Variants in KLK11 observed in about 807,000 individuals in gnomAD.
The protein encoded by KLK11 is kallikrein related peptidase 11, also known as kallikrein-11.
A neutral mutation model predicts 23.4 loss-of-function variants in KLK11; 10 were observed. The observed-to-expected ratio is 0.43, with a 90% CI of 0.26 to 0.73. The LOEUF (loss-of-function observed/expected upper bound fraction) is 0.73, where lower values mean the gene tolerates loss of function less well. Among genes scored for constraint, KLK11 ranks in the 30% least tolerant of loss-of-function variants. KLK11 has a pLI of 0.22. For synonymous variants in KLK11, 131 were observed against 131.7 expected (o/e 0.99, Z 0.03); for missense variants, 285 against 327.8 (o/e 0.87, Z 1.01).
In KLK11 at chr19:51,025,135, A is replaced by G. The variant is rs2122550387; in HGVS notation, c.41-341T>C. ...TAAACAATTAGCCTGGCTTGGTGGCAGGTGCCTGTGGTCCCAGCTACCGGG... is the reference window on the plus strand; with the variant it reads ...TAAACAATTAGCCTGGCTTGGTGGCGGGTGCCTGTGGTCCCAGCTACCGGG... On this transcript the variant is annotated intron_variant, in intron 2 of 5. Transcript: ENST00000453757. The surrounding 1 kb of genome is among the most constrained non-coding windows in gnomAD (Gnocchi z 6.2). 6.6e-6 allele frequency among the ~76,000 whole-genome samples: 1 copy of G among 152,172 alleles called. No individual in the cohort carries two copies. Among genetic ancestry groups the G allele is most frequent in the South Asian group, 2.1e-4 (1 of 4,808 alleles).
At position 51,024,245 on chromosome 19, in the gene KLK11, G is replaced by C; in HGVS notation, c.263C>G (p.Thr88Arg). The C allele has an allele frequency of 6.2e-7, 1 of 1,614,078 alleles. No homozygotes were observed. The highest frequency in any genetic ancestry group is 1.1e-5 in the South Asian group (1 of 91,074). ...QKEEGCEQTRTATESFPHPGF... is the reference protein window; with the variant it reads ...QKEEGCEQTRRATESFPHPGF... ...GGGGTGGGGGAAGGACTCAGTGGCT[G>C]TCCGGGTCTGCTCACAGCCCTCCTC... Residue 88 changes from threonine (T) to arginine (R), a missense_variant, in exon 4 of 6, where the codon ACA (threonine) becomes AGA (arginine). Thr to Arg is a moderately conservative substitution (Grantham distance 71). Transcript: ENST00000453757. The surrounding 1 kb of genome is among the most constrained non-coding windows in gnomAD (Gnocchi z 6.2).
In KLK11 at chr19:51,025,808, T is replaced by C; in HGVS notation, c.-35-142A>G. 2.0e-6 allele frequency: 1 copy of C among 510,950 alleles called. No homozygotes were observed. The highest frequency in any genetic ancestry group is 3.5e-6 in the Non-Finnish European group (1 of 284,612). 31.7% of individuals were successfully genotyped at this position (510,950 alleles called of 1,614,324 possible). Reference sequence around the variant, plus strand: ...CAAGGTTGGGGAAATCCCCTGTTTCTCACAGCACTCAGATCTCCAAACACT... The same window carrying C: ...CAAGGTTGGGGAAATCCCCTGTTTCCCACAGCACTCAGATCTCCAAACACT... On this transcript the variant is annotated intron_variant, in intron 1 of 5. Transcript: ENST00000453757. The surrounding 1 kb of genome is among the most constrained non-coding windows in gnomAD (Gnocchi z 6.2).
At chr19:51,023,259 T>C (rs1228445632) in intron 4 of KLK11, 31 bp from the exon 5 acceptor site, 1 of 1,604,836 alleles carries the variant, frequency 6.2e-7, no homozygotes, top group East Asian at 2.2e-5. Flanking sequence ...GCTGTGGGAA[T>C]GAGCCCCCTG....
In KLK11 at chr19:51,024,580, C is replaced by A. The variant is rs541521686; in HGVS notation, c.197+58G>T. On this transcript the variant is annotated intron_variant, in intron 3 of 5. Transcript: ENST00000453757. This position sits in a 1 kb window ranked among gnomAD's most constrained non-coding sequence, Gnocchi z 6.2. ...GCACCCCTATCCCTGAGCTTCTCTC[C>A]ATCCATCTCCCCATTCCCAGCCCCC... is the stretch of plus-strand genomic sequence containing the variant. The A allele has an allele frequency of 7.0e-7, 1 of 1,438,762 alleles. No individual in the cohort carries two copies. The highest frequency in any genetic ancestry group is 9.2e-7 in the Non-Finnish European group (1 of 1,089,290). 89.1% of individuals were successfully genotyped at this position (1,438,762 alleles called of 1,614,324 possible).
chr19:51,024,558 C>T lies in KLK11; in HGVS notation c.197+80G>A, dbSNP rs2091451949. ...CCCATCTCTAATCCCCTTACCAGCACCCCTATCCCTGAGCTTCTCTCCATC... is the reference window on the plus strand; with the variant it reads ...CCCATCTCTAATCCCCTTACCAGCATCCCTATCCCTGAGCTTCTCTCCATC... On this transcript the variant is annotated intron_variant, in intron 3 of 5. Coordinates refer to ENST00000453757, the MANE Select transcript of KLK11 (RefSeq NM_001136032.3). This position sits in a 1 kb window ranked among gnomAD's most constrained non-coding sequence, Gnocchi z 6.2. The T allele has an allele frequency of 1.4e-6, 2 of 1,394,686 alleles. No individual in the cohort carries two copies. Among genetic ancestry groups the T allele is most frequent in the East Asian group, 2.5e-5 (1 of 39,596 alleles). The allele number at this position is 1,394,686 out of a possible 1,614,324, so 86.4% of individuals were successfully genotyped here. A position where few individuals can be genotyped will look rare whatever the true frequency, so the allele number is the denominator to read the frequency against.
chr19:51,027,689 C>T (rs1568574902), upstream of KLK11: 3 of 642,806 alleles, frequency 4.7e-6, no homozygotes, highest in Non-Finnish European at 8.2e-6. Flanking sequence ...GCTTCCTCTT[C>T]CTACTACTAT....
At position 51,023,183 on chromosome 19, in the gene KLK11, T is replaced by C. The variant is rs2091428213; in HGVS notation, c.509A>G (p.Glu170Gly). 6.2e-7 allele frequency: 1 copy of C among 1,613,776 alleles called. No individual in the cohort carries two copies. The highest frequency in any genetic ancestry group is 8.5e-7 in the Non-Finnish European group (1 of 1,179,928). Reference sequence around the variant, plus strand: ...GTAGGCGTTCTCACACTTCTGGTGCTCAATGATGGTGATGTTGGCGCATCG... The same window carrying C: ...GTAGGCGTTCTCACACTTCTGGTGCCCAATGATGGTGATGTTGGCGCATCG... ...TLRCANITII[E>G]HQKCENAYPG... Residue 170 changes from glutamate to glycine, a missense_variant, in exon 5 of 6, where the codon GAG (glutamate) becomes GGG (glycine). Coordinates refer to ENST00000453757, the MANE Select transcript of KLK11 (RefSeq NM_001136032.3).
chr19:51,025,192 C>T lies in KLK11; in HGVS notation c.41-398G>A, dbSNP rs1231850310. 6.6e-6 allele frequency among the ~76,000 whole-genome samples: 1 copy of T among 151,960 alleles called. No individual in the cohort carries two copies. The highest frequency in any genetic ancestry group is 1.5e-5 in the Non-Finnish European group (1 of 67,974). On this transcript the variant is annotated intron_variant, in intron 2 of 5. Transcript: ENST00000453757. The surrounding 1 kb of genome is among the most constrained non-coding windows in gnomAD (Gnocchi z 6.2). ...GAGATGGCTTAAGGATCACTTAAGC[C>T]CGGGAAGTCAAGACTGCAGTGAGCC... is the stretch of plus-strand genomic sequence containing the variant.
chr19:51,023,959 C>A, intron 4 of KLK11, 86 bp downstream of exon 4: 1 of 1,111,672 alleles, frequency 9.0e-7, no homozygotes, highest in Non-Finnish European at 1.2e-6. Flanking sequence ...CACTGTGAAC[C>A]GCATCTCTGA....
intron 4 of KLK11, 93 bp from the exon 5 acceptor site, chr19:51,023,321 T>C: frequency 6.7e-7 from 1 of 1,495,020 alleles, no homozygotes; most frequent in Admixed American, 2.0e-5. Context: ...GGGGAATCCC[T>C]GTCCTTAGAC....
Position 51,023,279 on chromosome 19 carries a change from C to G in KLK11, c.464-51G>C, listed in dbSNP as rs1241478620. ...GGGAATGAGCCCCCTGCCACCTCCC[C>G]TAATGCAGTGCTTGCTGTGATCCCG... On this transcript the variant is annotated intron_variant, in intron 4 of 5. Transcript: ENST00000453757. 5.0e-6 allele frequency: 8 copies of G among 1,588,912 alleles called. No individual in the cohort carries two copies. In the African/African-American group the frequency reaches 5.4e-5, roughly 11 times the overall value.
chr19:51,024,365 G>A lies in KLK11; in HGVS notation c.198-55C>T. 5.0e-6 allele frequency: 8 copies of A among 1,590,300 alleles called. No individual in the cohort carries two copies. Among genetic ancestry groups the A allele is most frequent in the Non-Finnish European group, 6.8e-6 (8 of 1,169,760 alleles). On this transcript the variant is annotated intron_variant, in intron 3 of 5. Transcript: ENST00000453757. The surrounding 1 kb of genome is among the most constrained non-coding windows in gnomAD (Gnocchi z 6.2). ...GGAAAGGTCGGGGGAGACATGGGTGGGAGAGGTGAGTGACACCTTTGAGGA... is the reference window on the plus strand; with the variant it reads ...GGAAAGGTCGGGGGAGACATGGGTGAGAGAGGTGAGTGACACCTTTGAGGA...
chr19:51,023,959 C>G (rs139849854), intron 4 of KLK11, 86 bp downstream of exon 4: 4 of 1,111,554 alleles, frequency 3.6e-6, no homozygotes, highest in African/African-American at 3.1e-5. Flanking sequence ...CACTGTGAAC[C>G]GCATCTCTGA....
Position 51,024,284 on chromosome 19 carries a change from T to C in KLK11, c.224A>G (p.His75Arg). 8.7e-6 allele frequency: 14 copies of C among 1,614,030 alleles called. No individual in the cohort carries two copies. The highest frequency in any genetic ancestry group is 1.2e-5 in the Non-Finnish European group (14 of 1,179,978). Residue 75 changes from histidine (H) to arginine (R), a missense_variant, in exon 4 of 6, where the codon CAC (histidine) becomes CGC (arginine). His to Arg is a conservative substitution (Grantham distance 29). Transcript: ENST00000453757. The surrounding 1 kb of genome is among the most constrained non-coding windows in gnomAD (Gnocchi z 6.2). ...KPRYIVHLGQ[H>R]NLQKEEGCEQ... is the part of the protein sequence containing the mutation. The stretch of plus-strand genomic sequence containing the variant: ...ACAGCCCTCCTCCTTCTGGAGGTTG[T>C]GCTGCCCCAGGTGAACTATGTAGCG...
In KLK11 at chr19:51,025,883, A is replaced by G. The variant is rs2122561550; in HGVS notation, c.-35-217T>C. ...GTGGCCTTGGAGAGGGCCTGGTCAC[A>G]GCTAGAAGCTTCCGAGATACCAAGA... On this transcript the variant is annotated intron_variant, in intron 1 of 5. Transcript: ENST00000453757. The surrounding 1 kb of genome is among the most constrained non-coding windows in gnomAD (Gnocchi z 6.2). 1 of 401,936 alleles carries G rather than the reference A, an allele frequency of 2.5e-6. No individual in the cohort carries two copies. Among genetic ancestry groups the G allele is most frequent in the East Asian group, 3.9e-5 (1 of 25,444 alleles). 24.9% of individuals were successfully genotyped at this position (401,936 alleles called of 1,614,324 possible).
chr19:51,025,903 C>T lies in KLK11; in HGVS notation c.-35-237G>A. 1 of 363,296 alleles carries T rather than the reference C, an allele frequency of 2.8e-6. No homozygotes were observed. The highest frequency in any genetic ancestry group is 4.7e-5 in the Admixed American group (1 of 21,162). The allele number at this position is 363,296 out of a possible 1,614,324, so 22.5% of individuals were successfully genotyped here. On this transcript the variant is annotated intron_variant, in intron 1 of 5. Transcript: ENST00000453757. The surrounding 1 kb of genome is among the most constrained non-coding windows in gnomAD (Gnocchi z 6.2). ...GTCACAGCTAGAAGCTTCCGAGATACCAAGAACCATGTGGAAGTCGTTGGG... is the reference window on the plus strand; with the variant it reads ...GTCACAGCTAGAAGCTTCCGAGATATCAAGAACCATGTGGAAGTCGTTGGG...
upstream of KLK11, chr19:51,026,665 CCCTGGGCGGG>C: frequency 1.1e-6 from 1 of 934,050 alleles, no homozygotes; most frequent in Non-Finnish European, 1.3e-6. Flanking sequence ...AGGGGGGCGG[CCCTGGGCGGG>C]CCCAGGATGA....
Position 51,022,712 on chromosome 19 carries a change from A to G in KLK11, c.601-15T>C. 6.2e-7 allele frequency: 1 copy of G among 1,612,470 alleles called. No individual in the cohort carries two copies. The highest frequency in any genetic ancestry group is 8.5e-7 in the Non-Finnish European group (1 of 1,179,968). On this transcript the variant is annotated splice_polypyrimidine_tract_variant and intron_variant, in intron 5 of 5. Transcript: ENST00000453757. ...CCGGAGTCACCCTGGGCACGGGGAG[A>G]GAGAATGTCGGTCAGAGAAAGCGTT...
Position 51,026,562 on chromosome 19 carries a change from G to C in KLK11, c.-60C>G. 7 of 986,706 alleles carry C rather than the reference G, an allele frequency of 7.1e-6. No individual in the cohort carries two copies. Among genetic ancestry groups the C allele is most frequent in the Non-Finnish European group, 8.4e-6 (7 of 830,406 alleles). 61.1% of individuals were successfully genotyped at this position (986,706 alleles called of 1,614,324 possible). On this transcript the variant is annotated 5_prime_UTR_variant, in exon 1 of 6. Coordinates refer to ENST00000453757, the MANE Select transcript of KLK11 (RefSeq NM_001136032.3). The stretch of plus-strand genomic sequence containing the variant: ...CAGGCTCTGGGGCTGGGGCTCTGGG[G>C]GCCCAGTGGCGGCGGAGACGGCAGT...
Sources: allele counts gnomAD v4.1 joint callset (sites outside exome capture counted in the v4.1 genomes callset), GRCh38; gene constraint gnomAD v4.1.1; non-coding constraint Gnocchi (gnomAD v3.1); transcripts MANE v1.5; gene names NCBI Gene and HGNC (gene_info 2026-07-23, HGNC 2026-07-21).